GARRE1: variants seen among roughly 807,000 people sequenced by gnomAD.
GARRE1 encodes the protein granule associated Rac and RHOG effector 1, also known as granule associated Rac and RHOG effector protein 1.
In GARRE1, 49 loss-of-function variants were observed where a neutral mutation model predicts 103.2. The ratio of observed to expected loss-of-function variants is 0.47; its 90% confidence interval spans 0.38 to 0.60. The LOEUF is 0.60. Among genes scored for constraint, GARRE1 ranks in the 20% least tolerant of loss-of-function variants. The pLI is 0.00. For synonymous variants in GARRE1, 505 were observed against 532.8 expected, an observed-to-expected ratio of 0.95 and a Z score of 0.72; for missense variants, 1,199 against 1,370.5, an observed-to-expected ratio of 0.87 and a Z score of 1.98.
chr19:34,271,032 C>G (rs924134486), intron 1 of GARRE1, among the ~76,000 whole-genome samples: 2 of 152,104 alleles, frequency 1.3e-5, no homozygotes, highest in African/African-American at 4.8e-5. Context: ...ATACTTTTCC[C>G]CACTTGTTGA....
intron 2 of GARRE1, among the ~76,000 whole-genome samples, chr19:34,311,801 G>A (rs970967038): frequency 1.3e-5 from 2 of 151,630 alleles, no homozygotes; most frequent in African/African-American, 4.8e-5. Context: ...AGTAGAGATG[G>A]GGTTTCACCA....
In GARRE1 at chr19:34,327,755, A is replaced by G; in HGVS notation, c.847-16A>G. On this transcript the variant is annotated splice_polypyrimidine_tract_variant and intron_variant, in intron 4 of 13. Coordinates refer to ENST00000299505, the MANE Select transcript of GARRE1 (RefSeq NM_014686.5). ...TTGCTTTACGATCTTGATTGTTAAA[A>G]ATAATTTATTTCCAGGCATATAAGA... The G allele has an allele frequency of 1.2e-6, 2 of 1,600,716 alleles. No individual in the cohort carries two copies. Among genetic ancestry groups the G allele is most frequent in the African/African-American group, 1.3e-5 (1 of 74,410 alleles).
intron 8 of GARRE1, 42 bp downstream of exon 8, chr19:34,333,843 G>A (rs1380939267): frequency 1.8e-6 from 2 of 1,138,442 alleles, no homozygotes; most frequent in Non-Finnish European, 2.7e-6. Flanking sequence ...AGCTCTGACT[G>A]ACGTTTGCAC....
intron 8 of GARRE1, among the ~76,000 whole-genome samples, chr19:34,338,469 C>T (rs1003008954): frequency 6.6e-6 from 1 of 152,062 alleles, no homozygotes; most frequent in Non-Finnish European, 1.5e-5. Context: ...CCCAGGAGGT[C>T]GAGGATAACA....
At chr19:34,298,478 C>T (rs1247673838) in intron 1 of GARRE1, among the ~76,000 whole-genome samples, 6 of 150,230 alleles carry the variant, frequency 4.0e-5, no homozygotes, top group Admixed American at 2.0e-4. Context: ...TTTGGGAGGC[C>T]GAGACGGGTG....
At chr19:34,332,898 ATCAT>A (rs2074143860) in intron 7 of GARRE1, among the ~76,000 whole-genome samples, 1 of 152,198 alleles carries the variant, frequency 6.6e-6, no homozygotes, top group Non-Finnish European at 1.5e-5. Flanking sequence ...ATAAGAGGAA[ATCAT>A]TCAAAGAAGG....
intron 2 of GARRE1, among the ~76,000 whole-genome samples, chr19:34,302,292 G>GTT (rs397786603): frequency 0.077 from 7,113 of 92,014 alleles, 1,257 homozygotes; most frequent in African/African-American, 0.11. Flanking sequence ...GCGCCCAGCC[G>GTT]TTTTTTTTTT....
chr19:34,305,028 G>A (rs1313181597), intron 2 of GARRE1, among the ~76,000 whole-genome samples: 2 of 152,062 alleles, frequency 1.3e-5, no homozygotes, highest in African/African-American at 2.4e-5. Flanking sequence ...TCCTGACCTC[G>A]GGATCCGCCC....
rs772534773 is a variant in GARRE1 at position 34,300,656 on chromosome 19, C to T, written c.183C>T (p.Gly61=). The T allele has an allele frequency of 2.5e-6, 4 of 1,613,730 alleles. No homozygotes were observed. Reference sequence around the variant, plus strand: ...CCCTGGGCAGTCTGACCGCTGCAGGCAGCTGCCACCATGCCATGCCCCACA... The same window carrying T: ...CCCTGGGCAGTCTGACCGCTGCAGGTAGCTGCCACCATGCCATGCCCCACA... The part of the protein sequence containing the change: ...TAPLGSLTAA[G]SCHHAMPHTT... Residue 61 remains glycine (G), a synonymous_variant, in exon 2 of 14, where the codon GGC becomes GGT. Coordinates refer to ENST00000299505, the MANE Select transcript of GARRE1 (RefSeq NM_014686.5).
At chr19:34,334,427 G>A (rs1048965305) in intron 8 of GARRE1, among the ~76,000 whole-genome samples, 7 of 152,036 alleles carry the variant, frequency 4.6e-5, no homozygotes, top group East Asian at 1.9e-4. Context: ...GGCCAAGTGC[G>A]GTGACTCACA....
chr19:34,289,613 A>T (rs1370673120), intron 1 of GARRE1, among the ~76,000 whole-genome samples: 2 of 150,984 alleles, frequency 1.3e-5, no homozygotes, highest in Non-Finnish European at 2.9e-5. Flanking sequence ...TATCCCAGCT[A>T]CTCAGGAGGC....
rs768630264 is a variant in GARRE1, at chr19:34,350,650, T to G, written c.2826-864T>G. On this transcript the variant is annotated intron_variant, in intron 12 of 13. Transcript: ENST00000299505. The stretch of plus-strand genomic sequence containing the variant: ...AGGCTGGAGTGCAGTGGCGCGGTCT[T>G]AGCTCACTGCAAGCTCCGCCTTCCG... 8.5e-5 allele frequency among the ~76,000 whole-genome samples: 13 copies of G among 152,232 alleles called. No individual in the cohort carries two copies. In the East Asian group the frequency reaches 2.5e-3, roughly 30 times the overall value.
chr19:34,340,072 G>A, intron 9 of GARRE1, 80 bp downstream of exon 9: 1 of 1,462,572 alleles, frequency 6.8e-7, no homozygotes, highest in Non-Finnish European at 9.6e-7. Context: ...TTGTGTCATT[G>A]ATAGTATACG....
chr19:34,346,268 T>C (rs1055385533), intron 10 of GARRE1, among the ~76,000 whole-genome samples: 4 of 152,206 alleles, frequency 2.6e-5, no homozygotes, highest in Non-Finnish European at 5.9e-5. Flanking sequence ...CCATATGTTT[T>C]TTTTGACACT....
At chr19:34,292,137 C>T (rs1410869253) in intron 1 of GARRE1, among the ~76,000 whole-genome samples, 1 of 152,212 alleles carries the variant, frequency 6.6e-6, no homozygotes, top group Admixed American at 6.5e-5. Flanking sequence ...GTTGGGATTA[C>T]AGGCGTGAGC....
At chr19:34,312,702 G>A (rs1271605428) in intron 2 of GARRE1, among the ~76,000 whole-genome samples, 1 of 152,170 alleles carries the variant, frequency 6.6e-6, no homozygotes, top group Non-Finnish European at 1.5e-5. Flanking sequence ...TGAGGTGGGT[G>A]GATCACCTGA....
intron 1 of GARRE1, among the ~76,000 whole-genome samples, chr19:34,284,702 C>T (rs1413308685): frequency 6.6e-6 from 1 of 152,092 alleles, no homozygotes; most frequent in Non-Finnish European, 1.5e-5. Flanking sequence ...GTATTTATTT[C>T]CATGCAGCAT....
chr19:34,304,154 G>A (rs1412238914), intron 2 of GARRE1, among the ~76,000 whole-genome samples: 14 of 151,282 alleles, frequency 9.3e-5, no homozygotes, highest in Non-Finnish European at 4.4e-5. Context: ...GTGCATTGGC[G>A]ATCTCAGCTC....
In GARRE1 at chr19:34,276,857, A is replaced by C. The variant is rs546027805; in HGVS notation, c.-796+22243A>C. Reference sequence around the variant, plus strand: ...CACTTGTGAGAATCCAGCTGTGAACAAGCCATTGCTGTCTTTAGGAGCTTA... The same window carrying C: ...CACTTGTGAGAATCCAGCTGTGAACCAGCCATTGCTGTCTTTAGGAGCTTA... On this transcript the variant is annotated intron_variant, in intron 1 of 13. Coordinates refer to ENST00000299505, the MANE Select transcript of GARRE1 (RefSeq NM_014686.5). Among the ~76,000 whole-genome samples, 1,007 of 152,350 alleles carry C rather than the reference A, an allele frequency of 6.6e-3. 13 individuals are homozygous for C. The highest frequency in any genetic ancestry group is 0.023 in the African/African-American group (964 of 41,566).
Sources: allele counts gnomAD v4.1 joint callset (sites outside exome capture counted in the v4.1 genomes callset), GRCh38; gene constraint gnomAD v4.1.1; transcripts MANE v1.5; gene names NCBI Gene and HGNC (gene_info 2026-07-23, HGNC 2026-07-21).